The following TBCD variants were observed in gnomAD, a reference collection of about 807,000 sequenced individuals.
TBCD encodes the protein tubulin folding cofactor D, also known as tubulin-specific chaperone D.
TBCD carries 105 observed loss-of-function variants against 169.3 expected under a neutral mutation model. The observed-to-expected ratio is 0.62, with a 90% CI of 0.53 to 0.73. The LOEUF (loss-of-function observed/expected upper bound fraction) is 0.73. Ranked by LOEUF, TBCD falls within the 30% of genes least tolerant of loss-of-function variation. The pLI is 0.00. For missense variants in TBCD, 1,444 were observed against 1,600.1 expected (o/e 0.90, Z 1.66); for synonymous variants, 700 against 643.9 (o/e 1.09, Z -1.32).
rs780561279 is a variant in TBCD at position 82,830,433 on chromosome 17, G to T, written c.1318+15499G>T. The T allele has an allele frequency of 3.1e-6, 5 of 1,611,786 alleles. No individual in the cohort carries two copies. The Admixed American group carries it at 6.7e-5, about 21-fold the overall frequency. On this transcript the variant is annotated intron_variant, in intron 13 of 38. Coordinates refer to ENST00000355528, the MANE Select transcript of TBCD (RefSeq NM_005993.5). ...CGGCTGCCGTCTGCTTCTGCTCCTC[G>T]CTGCTGTCCACCGCGCATGCGTCTG...
intron 7 of TBCD, among the ~76,000 whole-genome samples, chr17:82,783,850 C>T (rs942613630): frequency 1.3e-5 from 2 of 152,110 alleles, no homozygotes; most frequent in East Asian, 1.9e-4. Context: ...TCAGGCCGGG[C>T]GCGGTGGCTC....
chr17:82,821,127 G>C (rs1218499908), intron 13 of TBCD, among the ~76,000 whole-genome samples: 1 of 152,006 alleles, frequency 6.6e-6, no homozygotes, highest in African/African-American at 2.4e-5. Context: ...AAAAATTGTA[G>C]AAACAGGATC....
chr17:82,896,367 G>A (rs757371404), intron 17 of TBCD, among the ~76,000 whole-genome samples: 2 of 152,064 alleles, frequency 1.3e-5, no homozygotes, highest in East Asian at 1.9e-4. Context: ...GTGCAGCTGC[G>A]GTGAACATGT....
rs2061637426 is a variant in TBCD, at chr17:82,925,077, G to C, written c.2379+20G>C. On this transcript the variant is annotated intron_variant, in intron 27 of 38. Transcript: ENST00000355528. ...CAGCAGGTGAGGCTGGCCACGCGCA[G>C]TGGACGGGGCCTAGGGCGAGGGTGT... 6.5e-7 allele frequency: 1 copy of C among 1,538,020 alleles called. No homozygotes were observed. The highest frequency in any genetic ancestry group is 8.8e-7 in the Non-Finnish European group (1 of 1,138,746).
chr17:82,794,506 C>T (rs548569220), intron 7 of TBCD, among the ~76,000 whole-genome samples: 141 of 152,182 alleles, frequency 9.3e-4, no homozygotes, highest in Admixed American at 6.1e-3. Context: ...AATTTGGTTC[C>T]CATTATGCTT....
chr17:82,931,439 A>G (rs1242728119), intron 33 of TBCD, among the ~76,000 whole-genome samples: 1 of 152,198 alleles, frequency 6.6e-6, no homozygotes, highest in African/African-American at 2.4e-5. Context: ...CTGCGTCACC[A>G]TAGCCTCAGC....
intron 13 of TBCD, chr17:82,859,521 G>A: frequency 1.0e-6 from 1 of 984,346 alleles, no homozygotes; most frequent in Non-Finnish European, 1.2e-6. Flanking sequence ...GGCCTTGTGT[G>A]TCCTGTTGGG....
chr17:82,921,435 T>G, intron 24 of TBCD, 66 bp from the exon 25 acceptor site: 1 of 1,311,180 alleles, frequency 7.6e-7, no homozygotes, highest in Non-Finnish European at 1.1e-6. Context: ...GAAGCTGTTT[T>G]TGCTGTTGTT....
At chr17:82,854,671 G>A (rs375391390) in intron 13 of TBCD, among the ~76,000 whole-genome samples, 1 of 152,188 alleles carries the variant, frequency 6.6e-6, no homozygotes, top group African/African-American at 2.4e-5. Context: ...CAGACTGCTG[G>A]GGGGAGCTGG....
Position 82,789,061 on chromosome 17 carries a change from G to T in TBCD, c.771+7340G>T, listed in dbSNP as rs543813723. ...ACCCACGTGGTCCTTTTTAGTTGTA[G>T]TGCTCTCTTGGGGCAAGGTTTTGGA... On this transcript the variant is annotated intron_variant, in intron 7 of 38. Transcript: ENST00000355528. The surrounding 1 kb of genome is among the most constrained non-coding windows in gnomAD (Gnocchi z 4.8). Among the ~76,000 whole-genome samples the T allele has an allele frequency of 4.1e-4, 63 of 152,312 alleles. 1 individual carries two copies. In the Middle Eastern group the frequency reaches 0.01, roughly 25 times the overall value.
chr17:82,819,245 G>A (rs1037555451), intron 13 of TBCD, among the ~76,000 whole-genome samples: 7 of 152,218 alleles, frequency 4.6e-5, no homozygotes, highest in Non-Finnish European at 7.3e-5. Flanking sequence ...GCAGTGATGC[G>A]ATGTTTGCCT....
At chr17:82,817,489 G>A (rs2052021031) in intron 13 of TBCD, among the ~76,000 whole-genome samples, 1 of 152,150 alleles carries the variant, frequency 6.6e-6, no homozygotes, top group Non-Finnish European at 1.5e-5. Context: ...TAGAGATGGG[G>A]TTTTCCCATG....
In TBCD at chr17:82,900,662, C is replaced by A; in HGVS notation, c.1661C>A (p.Ala554Asp). Residue 554 changes from alanine (A) to aspartate (D), a missense_variant, in exon 18 of 39, where the codon GCC (alanine) becomes GAC (aspartate). Ala to Asp is a moderately radical substitution (Grantham distance 126). Transcript: ENST00000355528. The stretch of plus-strand genomic sequence containing the variant: ...GCTGTCTTTTCCAGTGTGTTTATTG[C>A]CGGCTTTCCTGAGTACACGCAGCCA... ...NCFLVISVFI[A>D]GFPEYTQPMI... 1.2e-6 allele frequency: 2 copies of A among 1,613,868 alleles called. No individual in the cohort carries two copies. Among genetic ancestry groups the A allele is most frequent in the Middle Eastern group, 1.6e-4 (1 of 6,062 alleles).
At position 82,752,295 on chromosome 17, in the gene TBCD, G is replaced by A. The variant is rs1006168105; in HGVS notation, c.102G>A (p.Ala34=). Residue 34 remains alanine (A), a synonymous_variant, in exon 1 of 39, where the codon GCG becomes GCA. Coordinates refer to ENST00000355528, the MANE Select transcript of TBCD (RefSeq NM_005993.5). ...CGCTGGAAGCGTTCGGCGAGAGCGC[G>A]GAGACCCGGGCGCTGCTGGGCCGCC... is the stretch of plus-strand genomic sequence containing the variant. ...GAALEAFGES[A]ETRALLGRLR... is the part of the protein sequence containing the mutation. 7.3e-6 allele frequency: 11 copies of A among 1,510,624 alleles called. No individual in the cohort carries two copies. The highest frequency in any genetic ancestry group is 2.7e-5 in the East Asian group (1 of 36,794). 93.6% of individuals were successfully genotyped at this position (1,510,624 alleles called of 1,614,324 possible).
At chr17:82,797,584 T>C (rs1303354190) in intron 7 of TBCD, among the ~76,000 whole-genome samples, 173 bp from the exon 8 acceptor site, 1 of 152,236 alleles carries the variant, frequency 6.6e-6, no homozygotes, top group Admixed American at 6.5e-5. Flanking sequence ...ATGATTTCAC[T>C]AGTCTCTTAT....
chr17:82,870,041 GT>G (rs2057445671), intron 13 of TBCD, among the ~76,000 whole-genome samples, 182 bp from the exon 14 acceptor site: 1 of 152,168 alleles, frequency 6.6e-6, no homozygotes, highest in South Asian at 2.1e-4. Flanking sequence ...TCGTAGGTTT[GT>G]TTTCTGACCA....
In TBCD at chr17:82,857,746, GTTT is replaced by G. The variant is rs11388114; in HGVS notation, c.1319-12465_1319-12463del. On this transcript the variant is annotated intron_variant, in intron 13 of 38. Transcript: ENST00000355528. ...ACAACCTTGCTGCTTGTGTCTCATG[GTTT>G]TTTTTTTTTTTTAATTTAATTTAAT... Among the ~76,000 whole-genome samples, 30 of 132,526 alleles carry G rather than the reference GTTT, an allele frequency of 2.3e-4. No individual in the cohort carries two copies. The East Asian group carries it at 5.9e-3, about 26-fold the overall frequency. 86.9% of individuals were successfully genotyped at this position (132,526 alleles called of 152,430 possible).
At chr17:82,871,324 G>A (rs113934309) in intron 14 of TBCD, among the ~76,000 whole-genome samples, 2 of 152,220 alleles carry the variant, frequency 1.3e-5, no homozygotes, top group Admixed American at 6.5e-5. Flanking sequence ...GAGTTCTTTT[G>A]TGCTGAAGAA....
At chr17:82,867,044 A>T (rs1261175611) in intron 13 of TBCD, among the ~76,000 whole-genome samples, 3 of 152,196 alleles carry the variant, frequency 2.0e-5, no homozygotes, top group Non-Finnish European at 4.4e-5. Context: ...TGGCTGATTC[A>T]TCCCAGCAGC....
Sources: gnomAD v4.1 joint callset for allele counts (sites outside exome capture counted in the v4.1 genomes callset) on GRCh38, gnomAD v4.1.1 for gene constraint, Gnocchi (gnomAD v3.1) non-coding constraint, MANE v1.5 for transcripts, NCBI Gene and HGNC (gene_info 2026-07-23, HGNC 2026-07-21) for gene names.